TMOD1: variants seen among roughly 807,000 people sequenced by gnomAD.
The protein encoded by TMOD1 is tropomodulin 1.
TMOD1 carries 17 observed loss-of-function variants against 40.6 expected under a neutral mutation model. That is an observed-to-expected ratio of 0.42 (90% CI 0.29 to 0.63). TMOD1 has a LOEUF of 0.63. Ranked by LOEUF, TMOD1 falls within the 20% of genes least tolerant of loss-of-function variation. The pLI, the probability that TMOD1 is intolerant of heterozygous loss-of-function variation, is 0.22. For missense variants in TMOD1, 391 were observed against 447.6 expected (o/e 0.87, Z 1.14); for synonymous variants, 181 against 175.0 (o/e 1.03, Z -0.27).
At chr9:97,503,497 C>T (rs1258625567) in intron 1 of TMOD1, among the ~76,000 whole-genome samples, 1 of 152,134 alleles carries the variant, frequency 6.6e-6, no homozygotes, top group African/African-American at 2.4e-5. Context: ...GCCACACAAC[C>T]AACAGGCAGA....
At chr9:97,533,030 G>C (rs960790133) in intron 2 of TMOD1, among the ~76,000 whole-genome samples, 16 of 152,214 alleles carry the variant, frequency 1.1e-4, no homozygotes, top group Non-Finnish European at 2.1e-4. Context: ...ATTGTTGCCG[G>C]TATGAGAGTG....
At chr9:97,577,328 A>G (rs966995848) in intron 8 of TMOD1, among the ~76,000 whole-genome samples, 1 of 152,156 alleles carries the variant, frequency 6.6e-6, no homozygotes, top group East Asian at 1.9e-4. Context: ...CGTCAGTCCT[A>G]CTTCTGCCTT....
At chr9:97,555,551 G>A (rs1318511878) in intron 4 of TMOD1, 12 of 1,502,930 alleles carry the variant, frequency 8.0e-6, no homozygotes, top group Non-Finnish European at 1.1e-5. Flanking sequence ...GCAATATGCT[G>A]CCGAAGTCTG....
intron 7 of TMOD1, among the ~76,000 whole-genome samples, chr9:97,567,312 G>C (rs1283302321): frequency 6.6e-6 from 1 of 152,168 alleles, no homozygotes; most frequent in East Asian, 1.9e-4. Context: ...TGTTTTTTGG[G>C]CATGGACTCT....
intron 8 of TMOD1, among the ~76,000 whole-genome samples, chr9:97,581,693 G>T (rs1460428359): frequency 6.6e-6 from 1 of 151,644 alleles, no homozygotes; most frequent in Admixed American, 6.6e-5. Context: ...CAGTCTAACT[G>T]GTGTGAGATG....
In TMOD1 at chr9:97,592,875, C is replaced by T. The variant is rs200676710; in HGVS notation, c.1015+1440C>T. On this transcript the variant is annotated intron_variant, in intron 9 of 9. Transcript: ENST00000259365. ...CAAATGCCACTATTTTCTAGAGCCT[C>T]GGGTTTAGAAAAGCCCATTTTTTAA... Among the ~76,000 whole-genome samples the T allele has an allele frequency of 1.3e-4, 20 of 152,302 alleles. No homozygotes were observed. The East Asian group carries it at 2.3e-3, about 18-fold the overall frequency.
At chr9:97,526,398 G>T (rs1336941893) in intron 2 of TMOD1, among the ~76,000 whole-genome samples, 1 of 152,178 alleles carries the variant, frequency 6.6e-6, no homozygotes, top group African/African-American at 2.4e-5. Flanking sequence ...AGAACTGTGA[G>T]CATGGGCATA....
intron 2 of TMOD1, among the ~76,000 whole-genome samples, chr9:97,544,091 A>C (rs575022246): frequency 2.6e-5 from 4 of 152,082 alleles, no homozygotes; most frequent in Non-Finnish European, 5.9e-5. Flanking sequence ...TGCCAAGCCC[A>C]TTATCTGTCT....
At chr9:97,562,991 C>A (rs780905289) in intron 5 of TMOD1, among the ~76,000 whole-genome samples, 170 bp downstream of exon 5, 6 of 152,206 alleles carry the variant, frequency 3.9e-5, no homozygotes, top group Non-Finnish European at 7.3e-5. Context: ...CTTCTCTATC[C>A]CAGTATTATA....
At chr9:97,560,935 G>A (rs957340364) in intron 4 of TMOD1, among the ~76,000 whole-genome samples, 2 of 152,106 alleles carry the variant, frequency 1.3e-5, no homozygotes, top group African/African-American at 4.8e-5. Context: ...AGAAGGGAGA[G>A]TACTAGCAAA....
chr9:97,580,621 A>G (rs1214482883), intron 8 of TMOD1, among the ~76,000 whole-genome samples: 1 of 140,244 alleles, frequency 7.1e-6, no homozygotes, highest in African/African-American at 2.6e-5. Flanking sequence ...AGAAAGAAAG[A>G]GAGGAAGGAA....
intron 1 of TMOD1, among the ~76,000 whole-genome samples, 191 bp downstream of exon 1, chr9:97,501,994 G>C (rs1829509187): frequency 6.6e-6 from 1 of 151,876 alleles, no homozygotes; most frequent in Non-Finnish European, 1.5e-5. Context: ...GGGTCTCGGG[G>C]TTCCGAGCCC....
intron 9 of TMOD1, among the ~76,000 whole-genome samples, chr9:97,594,189 T>C (rs117675334): frequency 0.014 from 2,138 of 152,212 alleles, 103 homozygotes; most frequent in East Asian, 0.13. Context: ...TCCCTTGGGG[T>C]TTCCTACAGA....
At chr9:97,568,120 T>C (rs1255992711) in intron 7 of TMOD1, among the ~76,000 whole-genome samples, 1 of 152,202 alleles carries the variant, frequency 6.6e-6, no homozygotes, top group Non-Finnish European at 1.5e-5. Flanking sequence ...GGCTTCCCTC[T>C]TCTGCTCTGT....
At chr9:97,537,569 G>A (rs1358665241) in intron 2 of TMOD1, among the ~76,000 whole-genome samples, 2 of 152,178 alleles carry the variant, frequency 1.3e-5, no homozygotes, top group African/African-American at 4.8e-5. Context: ...CAGAGTGTGG[G>A]TGTGAAAATT....
chr9:97,529,048 C>T (rs190362470), intron 2 of TMOD1, among the ~76,000 whole-genome samples: 235 of 152,334 alleles, frequency 1.5e-3, no homozygotes, highest in Non-Finnish European at 2.4e-3. Flanking sequence ...CACAACTAGG[C>T]GATGGCAGAG....
chr9:97,548,032 T>C (rs1830392062), intron 3 of TMOD1, among the ~76,000 whole-genome samples: 1 of 152,228 alleles, frequency 6.6e-6, no homozygotes, highest in Admixed American at 6.5e-5. Context: ...GTCTTGTTCA[T>C]CATTTTGTTC....
intron 3 of TMOD1, among the ~76,000 whole-genome samples, chr9:97,550,871 C>T (rs894595236): frequency 6.6e-6 from 1 of 151,476 alleles, no homozygotes; most frequent in Non-Finnish European, 1.5e-5. Flanking sequence ...CTTTTAAATT[C>T]TGATGAAGTC....
intron 6 of TMOD1, among the ~76,000 whole-genome samples, 165 bp from the exon 7 acceptor site, chr9:97,565,683 C>T (rs1232594095): frequency 6.6e-6 from 1 of 152,204 alleles, no homozygotes; most frequent in African/African-American, 2.4e-5. Flanking sequence ...CCAGAAAGTT[C>T]TCCCCAGATT....
Sources: allele counts gnomAD v4.1 joint callset (sites outside exome capture counted in the v4.1 genomes callset), GRCh38; gene constraint gnomAD v4.1.1; transcripts MANE v1.5; gene names NCBI Gene and HGNC (gene_info 2026-07-23, HGNC 2026-07-21).